CNTN3: variants seen among roughly 807,000 people sequenced by gnomAD.
CNTN3 encodes the protein contactin-3.
A neutral mutation model predicts 119.1 loss-of-function variants in CNTN3; 60 were observed. That is an observed-to-expected ratio of 0.50 (90% confidence interval 0.41 to 0.62). CNTN3 has a LOEUF of 0.62. Ranked by LOEUF, CNTN3 falls within the 20% of genes least tolerant of loss-of-function variation. CNTN3 has a pLI of 0.00. For synonymous variants in CNTN3, 450 were observed against 438.7 expected, an observed-to-expected ratio of 1.03 and a Z score of -0.32; for missense variants, 1,101 against 1,242.4, an observed-to-expected ratio of 0.89 and a Z score of 1.71.
chr3:74,555,377 T>C (rs928725620), intron 1 of CNTN3, among the ~76,000 whole-genome samples: 3 of 152,188 alleles, frequency 2.0e-5, no homozygotes, highest in Non-Finnish European at 4.4e-5. Flanking sequence ...AAATTCTCTT[T>C]TTTTGTTGTG....
chr3:74,276,984 A>T (rs1701892892), intron 20 of CNTN3, among the ~76,000 whole-genome samples: 1 of 152,146 alleles, frequency 6.6e-6, no homozygotes, highest in African/African-American at 2.4e-5. Flanking sequence ...ACAAAAGATC[A>T]TTCAAGACAA....
rs548175205 is a variant in CNTN3, at chr3:74,614,433, TCGCCGCCGCCGCCGCCGCCGC to T, written c.-144_-124del. On this transcript the variant is annotated 5_prime_UTR_variant, in exon 1 of 23. Transcript: ENST00000263665. Reference sequence around the variant, plus strand: ...CCAGACGCCCGCCCCGACGGCCCACTCGCCGCCGCCGCCGCCGCCGCCGCCGCCGCCACCGCCGCCGCCGCA... The same window carrying T: ...CCAGACGCCCGCCCCGACGGCCCACTCGCCGCCGCCACCGCCGCCGCCGCA... Among the ~76,000 whole-genome samples, 7 of 145,446 alleles carry T rather than the reference TCGCCGCCGCCGCCGCCGCCGC, an allele frequency of 4.8e-5. No individual in the cohort carries two copies. The highest frequency in any genetic ancestry group is 4.1e-4 in the East Asian group (2 of 4,824).
At chr3:74,280,577 G>A (rs1274808127) in intron 20 of CNTN3, among the ~76,000 whole-genome samples, 1 of 152,198 alleles carries the variant, frequency 6.6e-6, no homozygotes, top group Non-Finnish European at 1.5e-5. Flanking sequence ...TGAGGTGCTG[G>A]TGGCAATCTT....
chr3:74,528,584 A>G (rs1462616202), intron 1 of CNTN3, among the ~76,000 whole-genome samples: 2 of 151,910 alleles, frequency 1.3e-5, no homozygotes, highest in Admixed American at 6.6e-5. Context: ...TTTTCAGATA[A>G]AGAAATAGAG....
chr3:74,601,647 T>G (rs1704912361), intron 1 of CNTN3, among the ~76,000 whole-genome samples: 1 of 152,118 alleles, frequency 6.6e-6, no homozygotes, highest in African/African-American at 2.4e-5. Context: ...TGGCCCAAAT[T>G]CTTCACCCTT....
chr3:74,315,333 T>C (rs976653719), intron 13 of CNTN3, among the ~76,000 whole-genome samples: 9 of 152,216 alleles, frequency 5.9e-5, no homozygotes, highest in African/African-American at 1.9e-4. Context: ...GCTCTGCCTA[T>C]GGAGTAGCCA....
At chr3:74,407,981 C>A (rs1438645717) in intron 5 of CNTN3, among the ~76,000 whole-genome samples, 2 of 152,090 alleles carry the variant, frequency 1.3e-5, no homozygotes, top group African/African-American at 4.8e-5. Flanking sequence ...TGGTTGTGAG[C>A]AGCATGGTGA....
chr3:74,590,535 C>T (rs1001112181), intron 1 of CNTN3, among the ~76,000 whole-genome samples: 2 of 151,864 alleles, frequency 1.3e-5, no homozygotes, highest in Admixed American at 1.3e-4. Flanking sequence ...CTTGGAGCTC[C>T]TATCACTTTG....
chr3:74,553,746 C>CT (rs1198594882), intron 1 of CNTN3, among the ~76,000 whole-genome samples: 4 of 152,116 alleles, frequency 2.6e-5, no homozygotes, highest in African/African-American at 9.7e-5. Context: ...GTCCTTTGCC[C>CT]ATTTTTTGAT....
intron 19 of CNTN3, among the ~76,000 whole-genome samples, chr3:74,291,620 C>A (rs1473806157): frequency 6.6e-6 from 1 of 152,170 alleles, no homozygotes; most frequent in Non-Finnish European, 1.5e-5. Flanking sequence ...ACCTCATGAT[C>A]TGCTTGCCTC....
chr3:74,376,153 C>A (rs1704470105), intron 5 of CNTN3, among the ~76,000 whole-genome samples: 1 of 152,184 alleles, frequency 6.6e-6, no homozygotes, highest in Non-Finnish European at 1.5e-5. Flanking sequence ...GCCCTGCTGA[C>A]ACCTTGATGT....
intron 4 of CNTN3, among the ~76,000 whole-genome samples, chr3:74,430,939 G>C (rs1441572120): frequency 6.6e-6 from 1 of 152,102 alleles, no homozygotes; most frequent in African/African-American, 2.4e-5. Flanking sequence ...GCCATCAGCT[G>C]TGTGTGCTAC....
chr3:74,287,035 C>T (rs1425877808), intron 19 of CNTN3, among the ~76,000 whole-genome samples: 2 of 152,196 alleles, frequency 1.3e-5, no homozygotes, highest in East Asian at 3.8e-4. Context: ...ACATACTAAC[C>T]ATTAACTGCT....
chr3:74,485,454 T>C (rs1248572644), intron 4 of CNTN3, among the ~76,000 whole-genome samples: 1 of 151,742 alleles, frequency 6.6e-6, no homozygotes, highest in East Asian at 1.9e-4. Context: ...ACAAAATAAA[T>C]ATGAAAAACA....
At chr3:74,269,011 T>C (rs2106746032) in intron 20 of CNTN3, among the ~76,000 whole-genome samples, 1 of 149,782 alleles carries the variant, frequency 6.7e-6, no homozygotes, top group Admixed American at 6.6e-5. Context: ...GCTGAATGAG[T>C]TCAGCCTGAA....
chr3:74,482,732 C>T (rs945570518), intron 4 of CNTN3, among the ~76,000 whole-genome samples: 1 of 152,080 alleles, frequency 6.6e-6, no homozygotes, highest in African/African-American at 2.4e-5. Flanking sequence ...TTAGAGAGAA[C>T]ATTTTTCAAT....
At chr3:74,550,590 G>A (rs1194165506) in intron 1 of CNTN3, among the ~76,000 whole-genome samples, 1 of 152,160 alleles carries the variant, frequency 6.6e-6, no homozygotes, top group Non-Finnish European at 1.5e-5. Context: ...CCAGGCTGGA[G>A]TGCAGTGGTG....
chr3:74,524,468 A>G (rs1021014898), intron 1 of CNTN3, among the ~76,000 whole-genome samples: 2 of 151,888 alleles, frequency 1.3e-5, no homozygotes, highest in African/African-American at 4.8e-5. Flanking sequence ...AAATGAGAAC[A>G]GTCCTCATCA....
chr3:74,415,945 G>C (rs983393141), intron 5 of CNTN3, among the ~76,000 whole-genome samples: 1 of 152,128 alleles, frequency 6.6e-6, no homozygotes, highest in African/African-American at 2.4e-5. Flanking sequence ...GTTCTCCCTG[G>C]GCCAATCGGT....
Sources: allele counts gnomAD v4.1 joint callset (sites outside exome capture counted in the v4.1 genomes callset), GRCh38; gene constraint gnomAD v4.1.1; transcripts MANE v1.5; gene names NCBI Gene and HGNC (gene_info 2026-07-23, HGNC 2026-07-21).